TAF1D: variants seen among roughly 807,000 people sequenced by gnomAD.
TAF1D encodes TATA box-binding protein-associated factor RNA polymerase I subunit D.
Under a neutral mutation model 26.2 loss-of-function variants are expected in TAF1D, and 23 were observed. The observed-to-expected ratio is 0.88, with a 90% CI of 0.63 to 1.25. TAF1D has a LOEUF of 1.25. Ranked by LOEUF, TAF1D falls within the 50% of genes most tolerant of loss-of-function variation. TAF1D has a pLI of 0.00. For synonymous variants in TAF1D, 100 were observed against 105.6 expected, an observed-to-expected ratio of 0.95 and a Z score of 0.33; for missense variants, 299 against 322.0, an observed-to-expected ratio of 0.93 and a Z score of 0.55.
At chr11:93,732,355 C>T (rs200715159), downstream of TAF1D, 9 of 518,048 alleles carry the variant, frequency 1.7e-5, no homozygotes, top group South Asian at 9.8e-5. Flanking sequence ...GAGAAACCTA[C>T]ACAAATACTG....
intron 2 of TAF1D, chr11:93,738,846 C>T (rs1941262001): frequency 6.6e-6 from 2 of 302,088 alleles, no homozygotes; most frequent in Admixed American, 4.7e-5. Context: ...GGACTAATGG[C>T]ATGCACCACT....
chr11:93,731,762 T>C (rs185438183), downstream of TAF1D: 137 of 349,920 alleles, frequency 3.9e-4, 1 homozygote, highest in East Asian at 9.8e-3. Flanking sequence ...CCAAGAATCT[T>C]TGGGATCTAA....
chr11:93,740,491 AACT>A (rs1941740908), intron 1 of TAF1D, among the ~76,000 whole-genome samples: 1 of 148,482 alleles, frequency 6.7e-6, no homozygotes, highest in Non-Finnish European at 1.5e-5. Flanking sequence ...AATTAAAGAT[AACT>A]ACTTATTTCA....
chr11:93,736,893 C>G, intron 4 of TAF1D, 142 bp from the exon 5 acceptor site: 2 of 1,129,582 alleles, frequency 1.8e-6, no homozygotes, highest in South Asian at 3.4e-5. Context: ...CTGGAGAATT[C>G]TAGATGAACG....
At chr11:93,734,623 ACC>A (rs1389452346), downstream of TAF1D, 5 of 782,526 alleles carry the variant, frequency 6.4e-6, no homozygotes, top group Non-Finnish European at 9.5e-6. Flanking sequence ...ATTGAGACAT[ACC>A]TTTAACTCCA....
chr11:93,738,701 TA>T (rs2135514092), intron 2 of TAF1D, among the ~76,000 whole-genome samples: 1 of 152,126 alleles, frequency 6.6e-6, no homozygotes, highest in Admixed American at 6.5e-5. Flanking sequence ...CTACAGCTCT[TA>T]TTAAAGAGTT....
At chr11:93,733,467 A>C (rs1939765739), downstream of TAF1D, 2 of 518,424 alleles carry the variant, frequency 3.9e-6, no homozygotes, top group Admixed American at 3.9e-5. Flanking sequence ...ACTTTTAGCA[A>C]CTGTCTTGTA....
chr11:93,736,593 A>G, intron 5 of TAF1D, 101 bp downstream of exon 5: 1 of 1,496,636 alleles, frequency 6.7e-7, no homozygotes, highest in Non-Finnish European at 8.9e-7. Flanking sequence ...GAGCTTTTCA[A>G]AAGTTAAATG....
intron 3 of TAF1D, among the ~76,000 whole-genome samples, chr11:93,737,697 A>G (rs1941082812): frequency 6.6e-6 from 1 of 152,222 alleles, no homozygotes; most frequent in South Asian, 2.1e-4. Flanking sequence ...TATTTTTCAG[A>G]TAATTGGCTT....
At chr11:93,731,670 A>C (rs1243632510), downstream of TAF1D, 1 of 421,876 alleles carries the variant, frequency 2.4e-6, no homozygotes, top group African/African-American at 2.1e-5. Flanking sequence ...CTAGATAAAT[A>C]AATAACCTAA....
Position 93,739,335 on chromosome 11 carries a change from A to C in TAF1D, c.-27-4T>G, listed in dbSNP as rs1302279573. On this transcript the variant is annotated splice_polypyrimidine_tract_variant and splice_region_variant and intron_variant, in intron 1 of 5. Transcript: ENST00000448108. ...GCTCTTTGTTTTAAACAGTTTTCTG[A>C]AATTATGAAATTTAGTAAATATGAC... 6.3e-7 allele frequency: 1 copy of C among 1,586,320 alleles called. No homozygotes were observed. The highest frequency in any genetic ancestry group is 8.6e-7 in the Non-Finnish European group (1 of 1,162,658).
chr11:93,736,569 G>A (rs900250018), intron 5 of TAF1D, 125 bp downstream of exon 5: 1 of 1,439,912 alleles, frequency 6.9e-7, no homozygotes. Context: ...TGCATTTCCT[G>A]CAGTAAACTT....
At chr11:93,735,284 T>C (rs764736288), downstream of TAF1D, 9 of 1,287,818 alleles carry the variant, frequency 7.0e-6, no homozygotes, top group Non-Finnish European at 5.1e-6. Context: ...ATCGTGGTGA[T>C]CAAAATAATG....
chr11:93,738,396 T>G lies in TAF1D; in HGVS notation c.172A>C (p.Ser58Arg). ...CTTGATGAATCACTTGCGTGAACAC[T>G]TTCAGGTGTACGAACAAATTTTCGA... is the stretch of plus-strand genomic sequence containing the variant. ...PIRKFVRTPE[S>R]VHASDSSSDS... Residue 58 changes from serine (S) to arginine (R), a missense_variant, in exon 3 of 6, where the codon AGT (serine) becomes CGT (arginine). By Grantham distance (110) the Ser-to-Arg change is moderately radical. Transcript: ENST00000448108. 1 of 1,613,950 alleles carries G rather than the reference T, an allele frequency of 6.2e-7. No individual in the cohort carries two copies. Among genetic ancestry groups the G allele is most frequent in the Non-Finnish European group, 8.5e-7 (1 of 1,179,966 alleles).
At chr11:93,734,812 G>T, downstream of TAF1D, 4 of 1,187,558 alleles carry the variant, frequency 3.4e-6, no homozygotes, top group Non-Finnish European at 4.3e-6. Flanking sequence ...GTCTGTCTTT[G>T]TTACTCAGGC....
Position 93,739,961 on chromosome 11 carries a change from C to CAAA in TAF1D, c.-27-633_-27-631dup, listed in dbSNP as rs67574108. Among the ~76,000 whole-genome samples, 325 of 81,984 alleles carry CAAA rather than the reference C, an allele frequency of 4.0e-3. 2 individuals carry two copies. The highest frequency in any genetic ancestry group is 9.8e-3 in the African/African-American group (184 of 18,716). The allele number at this position is 81,984 out of a possible 152,430, so 53.8% of individuals were successfully genotyped here. On this transcript the variant is annotated intron_variant, in intron 1 of 5. Transcript: ENST00000448108. Reference sequence around the variant, plus strand: ...CCATGGTAGAGAGTATACAACATACCAAAAAAAAAAAAAAAAAAAAAGAAA... The same window carrying CAAA: ...CCATGGTAGAGAGTATACAACATACCAAAAAAAAAAAAAAAAAAAAAAAAGAAA...
intron 1 of TAF1D, 82 bp from the exon 2 acceptor site, chr11:93,739,413 CTA>C: frequency 2.4e-6 from 2 of 844,630 alleles, no homozygotes; most frequent in Non-Finnish European, 3.6e-6. Flanking sequence ...CGTGGTCAGA[CTA>C]TGCCAATGAT....
intron 3 of TAF1D, 103 bp downstream of exon 3, chr11:93,738,006 G>T: frequency 1.5e-6 from 2 of 1,355,584 alleles, no homozygotes; most frequent in Non-Finnish European, 2.0e-6. Context: ...CAAAATTGCA[G>T]ACAGTCTGTT....
At chr11:93,734,764 A>C, downstream of TAF1D, 2 of 1,278,554 alleles carry the variant, frequency 1.6e-6, no homozygotes, top group South Asian at 2.5e-5. Flanking sequence ...TATCTATTCT[A>C]CAGGCCTGGA....
Sources: gnomAD v4.1 joint callset for allele counts (sites outside exome capture counted in the v4.1 genomes callset) on GRCh38, gnomAD v4.1.1 for gene constraint, MANE v1.5 for transcripts, NCBI Gene and HGNC (gene_info 2026-07-23, HGNC 2026-07-21) for gene names.